TACR1: variants seen among roughly 807,000 people sequenced by gnomAD.
The protein encoded by TACR1 is tachykinin receptor 1, also known as substance-P receptor.
Under a neutral mutation model 35.8 loss-of-function variants are expected in TACR1, and 25 were observed. The observed-to-expected ratio is 0.70, with a 90% confidence interval of 0.51 to 0.98. The LOEUF (loss-of-function observed/expected upper bound fraction) is 0.98. Ranked by LOEUF, TACR1 falls within the 50% of genes least tolerant of loss-of-function variation. TACR1 has a pLI of 0.00. For missense variants in TACR1, 478 were observed against 522.9 expected, an observed-to-expected ratio of 0.91 and a Z score of 0.84; for synonymous variants, 195 against 206.7, an observed-to-expected ratio of 0.94 and a Z score of 0.48.
intron 1 of TACR1, among the ~76,000 whole-genome samples, chr2:75,165,651 G>T (rs1300892649): frequency 6.6e-6 from 1 of 152,272 alleles, no homozygotes; most frequent in Non-Finnish European, 1.5e-5. Flanking sequence ...CACTGGAGTA[G>T]TCTGGGAGGG....
intron 3 of TACR1, among the ~76,000 whole-genome samples, chr2:75,052,566 A>AT (rs1434283374): frequency 1.3e-5 from 2 of 152,212 alleles, no homozygotes; most frequent in Non-Finnish European, 2.9e-5. Flanking sequence ...AGAAAAAAAA[A>AT]AGGAATGAGA....
chr2:75,057,924 A>G (rs1368213063), intron 2 of TACR1, among the ~76,000 whole-genome samples: 2 of 152,242 alleles, frequency 1.3e-5, no homozygotes, highest in Non-Finnish European at 2.9e-5. Flanking sequence ...TTAGTAATAA[A>G]TTATGTAAGA....
intron 1 of TACR1, chr2:75,154,278 C>T (rs1160292535): frequency 6.6e-6 from 1 of 152,144 alleles, no homozygotes; most frequent in Non-Finnish European, 1.5e-5. Context: ...CCCTACAGAG[C>T]TCATGGGGGA....
intron 1 of TACR1, among the ~76,000 whole-genome samples, chr2:75,139,624 GA>G (rs1484847036): frequency 6.6e-6 from 1 of 152,194 alleles, no homozygotes; most frequent in East Asian, 1.9e-4. Flanking sequence ...TGTTGTATAG[GA>G]AGTAGAATAT....
chr2:75,164,326 TA>T (rs35423094), intron 1 of TACR1, among the ~76,000 whole-genome samples: 108 of 138,038 alleles, frequency 7.8e-4, no homozygotes, highest in Middle Eastern at 3.8e-3. Context: ...GACTCCATCT[TA>T]AAAAAAAAAA....
intron 1 of TACR1, chr2:75,154,628 G>C (rs192670109): frequency 6.6e-6 from 1 of 152,346 alleles, no homozygotes; most frequent in Non-Finnish European, 1.5e-5. Context: ...CCTCTGAAGA[G>C]GGTTTCCCAG....
At chr2:75,184,014 G>A (rs1277756076) in intron 1 of TACR1, among the ~76,000 whole-genome samples, 1 of 152,118 alleles carries the variant, frequency 6.6e-6, no homozygotes, top group Non-Finnish European at 1.5e-5. Context: ...CTTATTCATG[G>A]CCCTAAACCT....
chr2:75,087,938 C>A (rs1330929958), intron 2 of TACR1, among the ~76,000 whole-genome samples: 1 of 152,142 alleles, frequency 6.6e-6, no homozygotes, highest in Non-Finnish European at 1.5e-5. Context: ...AACTCAGCCT[C>A]CAGTGGCAGG....
At position 75,087,281 on chromosome 2, in the gene TACR1, A is replaced by C. The variant is rs75470474; in HGVS notation, c.584+33293T>G. Among the ~76,000 whole-genome samples, 1,108 of 152,320 alleles carry C rather than the reference A, an allele frequency of 7.3e-3. 4 individuals carry two copies. The highest frequency in any genetic ancestry group is 0.02 in the Middle Eastern group (6 of 294). On this transcript the variant is annotated intron_variant, in intron 2 of 4. Coordinates refer to ENST00000305249, the MANE Select transcript of TACR1 (RefSeq NM_001058.4). The stretch of plus-strand genomic sequence containing the variant: ...ATCTTGCATTTGTAGTTTGCATGTT[A>C]TTTATATTGACAGTGCTGGTCTAGA...
intron 2 of TACR1, among the ~76,000 whole-genome samples, chr2:75,087,276 A>G (rs999072284): frequency 5.3e-5 from 8 of 152,216 alleles, no homozygotes; most frequent in Admixed American, 1.3e-4. Context: ...TGTAGTTTGC[A>G]TGTTATTTAT....
At chr2:75,143,932 C>A (rs1023994445) in intron 1 of TACR1, among the ~76,000 whole-genome samples, 2 of 152,174 alleles carry the variant, frequency 1.3e-5, no homozygotes, top group African/African-American at 4.8e-5. Flanking sequence ...ATAGTGTAAC[C>A]TCCCTAACTT....
intron 1 of TACR1, among the ~76,000 whole-genome samples, chr2:75,195,961 AAG>A (rs1288866784): frequency 6.6e-6 from 1 of 152,202 alleles, no homozygotes; most frequent in African/African-American, 2.4e-5. Context: ...ATAGTCATAA[AAG>A]AGAAATTCAA....
At chr2:75,074,787 G>T (rs1395140329) in intron 2 of TACR1, among the ~76,000 whole-genome samples, 1 of 152,096 alleles carries the variant, frequency 6.6e-6, no homozygotes, top group African/African-American at 2.4e-5. Flanking sequence ...TGTGCATGAG[G>T]ATTAGGCTCT....
At chr2:75,174,767 A>G (rs1186671159) in intron 1 of TACR1, among the ~76,000 whole-genome samples, 1 of 152,178 alleles carries the variant, frequency 6.6e-6, no homozygotes. Context: ...TTTCAATTGT[A>G]TCAATTCTCC....
chr2:75,102,159 C>T (rs1673544542), intron 2 of TACR1, among the ~76,000 whole-genome samples: 1 of 152,022 alleles, frequency 6.6e-6, no homozygotes, highest in Non-Finnish European at 1.5e-5. Flanking sequence ...GTTCAGTTAC[C>T]TCTGTCATCC....
chr2:75,184,634 A>G (rs1675644020), intron 1 of TACR1, among the ~76,000 whole-genome samples: 1 of 151,700 alleles, frequency 6.6e-6, no homozygotes, highest in Non-Finnish European at 1.5e-5. Context: ...TAGTACACCA[A>G]TAATAATCCA....
At chr2:75,053,557 C>A (rs1672511438) in intron 3 of TACR1, 48 bp downstream of exon 3, 1 of 1,472,564 alleles carries the variant, frequency 6.8e-7, no homozygotes. Context: ...TTCTCGACAG[C>A]CTGTTGTCTG....
chr2:75,152,040 C>A (rs964597735), intron 1 of TACR1, among the ~76,000 whole-genome samples: 1 of 152,168 alleles, frequency 6.6e-6, no homozygotes, highest in Admixed American at 6.5e-5. Context: ...AATATCTGTA[C>A]CCCCATTGTG....
intron 1 of TACR1, among the ~76,000 whole-genome samples, chr2:75,192,739 A>G (rs1675879262): frequency 6.6e-6 from 1 of 152,190 alleles, no homozygotes; most frequent in African/African-American, 2.4e-5. Context: ...TGGGAGGACA[A>G]TGCTAAAAGA....
Sources: allele counts gnomAD v4.1 joint callset (sites outside exome capture counted in the v4.1 genomes callset), GRCh38; gene constraint gnomAD v4.1.1; transcripts MANE v1.5; gene names NCBI Gene and HGNC (gene_info 2026-07-23, HGNC 2026-07-21).